LRRTM4: variants seen among roughly 807,000 people sequenced by gnomAD.
LRRTM4 encodes the protein leucine rich repeat transmembrane neuronal 4.
LRRTM4 carries 25 observed loss-of-function variants against 47.6 expected under a neutral mutation model. The ratio of observed to expected loss-of-function variants is 0.53; its 90% CI spans 0.38 to 0.73. The LOEUF (loss-of-function observed/expected upper bound fraction) is 0.73. Among genes scored for constraint, LRRTM4 ranks in the 30% least tolerant of loss-of-function variants. LRRTM4 has a pLI of 0.00. For missense variants in LRRTM4, 638 were observed against 713.4 expected (o/e 0.89, Z 1.20); for synonymous variants, 311 against 269.5 (o/e 1.15, Z -1.51).
chr2:76,921,380 G>A lies in LRRTM4; in HGVS notation c.1552-172464C>T, dbSNP rs193011384. Among the ~76,000 whole-genome samples the A allele has an allele frequency of 1.5e-3, 228 of 152,118 alleles. 2 individuals carry two copies. The highest frequency in any genetic ancestry group is 5.2e-3 in the African/African-American group (218 of 41,530). ...GCTATTAAGATGACTAATTGCTAAT[G>A]GTGTTAATAGTTTGATCACCTGGTA... On this transcript the variant is annotated intron_variant, in intron 3 of 3. Transcript: ENST00000409884.
At chr2:77,517,616 A>AAAAC (rs962330066) in intron 3 of LRRTM4, 2 of 985,128 alleles carry the variant, frequency 2.0e-6, no homozygotes, top group Non-Finnish European at 2.4e-6. Context: ...CAGTAATTAA[A>AAAAC]AAACAAACAA....
chr2:76,979,374 C>T (rs1008122041), intron 3 of LRRTM4, among the ~76,000 whole-genome samples: 1 of 151,624 alleles, frequency 6.6e-6, no homozygotes, highest in South Asian at 2.1e-4. Context: ...ACATACTAAA[C>T]AGAGAAAAAA....
At chr2:77,110,721 A>G (rs1204703941) in intron 3 of LRRTM4, among the ~76,000 whole-genome samples, 1 of 152,326 alleles carries the variant, frequency 6.6e-6, no homozygotes, top group East Asian at 1.9e-4. Flanking sequence ...ATAAAAATAC[A>G]TCTGTATAAA....
chr2:76,888,083 A>G (rs773276407), intron 3 of LRRTM4, among the ~76,000 whole-genome samples: 10 of 150,508 alleles, frequency 6.6e-5, no homozygotes, highest in Non-Finnish European at 1.5e-4. Flanking sequence ...ACATATATAT[A>G]CATATATAGT....
intron 3 of LRRTM4, among the ~76,000 whole-genome samples, chr2:76,970,456 C>T (rs1676179768): frequency 6.6e-6 from 1 of 151,896 alleles, no homozygotes; most frequent in African/African-American, 2.4e-5. Flanking sequence ...TGATTCGTGT[C>T]CTTACTCTGT....
At chr2:77,149,590 A>G (rs1378022058) in intron 3 of LRRTM4, among the ~76,000 whole-genome samples, 2 of 152,238 alleles carry the variant, frequency 1.3e-5, no homozygotes, top group East Asian at 1.9e-4. Context: ...CACTTTGTCA[A>G]GGGGCATAAA....
chr2:76,832,812 G>T (rs1352092670), intron 3 of LRRTM4, among the ~76,000 whole-genome samples: 1 of 152,028 alleles, frequency 6.6e-6, no homozygotes, highest in Non-Finnish European at 1.5e-5. Context: ...AATGATGACA[G>T]CTAGATTAGG....
intron 3 of LRRTM4, among the ~76,000 whole-genome samples, chr2:76,771,848 T>G (rs2104115262): frequency 6.6e-6 from 1 of 152,132 alleles, no homozygotes; most frequent in East Asian, 1.9e-4. Context: ...TGGAGGACTC[T>G]AACTCTATGT....
chr2:77,183,822 T>C (rs1673422223), intron 3 of LRRTM4, among the ~76,000 whole-genome samples: 1 of 152,076 alleles, frequency 6.6e-6, no homozygotes, highest in Admixed American at 6.6e-5. Flanking sequence ...CTCAGCAACC[T>C]ATTGCAAGGA....
Position 77,164,108 on chromosome 2 carries a change from G to A in LRRTM4, c.1551+354210C>T, listed in dbSNP as rs182982876. On this transcript the variant is annotated intron_variant, in intron 3 of 3. Transcript: ENST00000409884. ...CACATAGGCTCAAAATAAAGGGATG[G>A]AGGAAAATCTACCAAGCAAATGGAA... is the stretch of plus-strand genomic sequence containing the variant. 1.0e-3 allele frequency among the ~76,000 whole-genome samples: 155 copies of A among 152,270 alleles called. 2 individuals carry two copies. Among genetic ancestry groups the A allele is most frequent in the African/African-American group, 2.9e-3 (122 of 41,554 alleles).
chr2:76,778,608 C>A (rs1303720743), intron 3 of LRRTM4, among the ~76,000 whole-genome samples: 1 of 151,996 alleles, frequency 6.6e-6, no homozygotes, highest in East Asian at 1.9e-4. Flanking sequence ...GTGGTGATAT[C>A]CCCTTTATCA....
chr2:77,418,984 C>T (rs1428147379), intron 3 of LRRTM4, among the ~76,000 whole-genome samples: 1 of 152,120 alleles, frequency 6.6e-6, no homozygotes, highest in Non-Finnish European at 1.5e-5. Flanking sequence ...ACTTATTCAT[C>T]ATGTTTATTG....
chr2:77,216,155 G>C (rs2103934335), intron 3 of LRRTM4, among the ~76,000 whole-genome samples: 1 of 152,198 alleles, frequency 6.6e-6, no homozygotes, highest in South Asian at 2.1e-4. Context: ...GCATCACTAG[G>C]ATGTCAAAAG....
At chr2:76,774,394 G>A (rs753585264) in intron 3 of LRRTM4, among the ~76,000 whole-genome samples, 5 of 152,030 alleles carry the variant, frequency 3.3e-5, no homozygotes, top group Non-Finnish European at 5.9e-5. Flanking sequence ...GTTTCACCAT[G>A]TTGGCCAGTG....
At chr2:76,906,414 G>T (rs533516573) in intron 3 of LRRTM4, among the ~76,000 whole-genome samples, 3 of 151,900 alleles carry the variant, frequency 2.0e-5, no homozygotes, top group African/African-American at 7.3e-5. Flanking sequence ...AAAGACCATC[G>T]AGACTAGGAA....
At chr2:76,868,491 C>G (rs1040337303) in intron 3 of LRRTM4, among the ~76,000 whole-genome samples, 1 of 152,068 alleles carries the variant, frequency 6.6e-6, no homozygotes. Context: ...AATTTTTCCC[C>G]TTGAATACAC....
intron 3 of LRRTM4, among the ~76,000 whole-genome samples, chr2:77,030,358 G>A (rs1194832086): frequency 6.6e-6 from 1 of 152,148 alleles, no homozygotes; most frequent in African/African-American, 2.4e-5. Flanking sequence ...CGCTTGAACT[G>A]GGAGGCGGAG....
At chr2:76,836,938 A>C (rs748642686) in intron 3 of LRRTM4, among the ~76,000 whole-genome samples, 1 of 152,172 alleles carries the variant, frequency 6.6e-6, no homozygotes, top group Non-Finnish European at 1.5e-5. Context: ...TAGTTACTAC[A>C]GTTAATCAAA....
chr2:76,831,355 T>C (rs564206968), intron 3 of LRRTM4, among the ~76,000 whole-genome samples: 1 of 152,164 alleles, frequency 6.6e-6, no homozygotes, highest in Admixed American at 6.6e-5. Context: ...ACGCTCGCAT[T>C]TGTGTTTTGA....
Sources: gnomAD v4.1 joint callset for allele counts (sites outside exome capture counted in the v4.1 genomes callset) on GRCh38, gnomAD v4.1.1 for gene constraint, MANE v1.5 for transcripts, NCBI Gene and HGNC (gene_info 2026-07-23, HGNC 2026-07-21) for gene names.